The following DOCK5 variants were observed in gnomAD, a reference collection of about 807,000 sequenced individuals.
DOCK5 encodes dedicator of cytokinesis protein 5.
A neutral mutation model predicts 251.8 loss-of-function variants in DOCK5; 142 were observed. The ratio of observed to expected loss-of-function variants is 0.56; its 90% confidence interval spans 0.49 to 0.65. The LOEUF is 0.65. Ranked by LOEUF, DOCK5 falls within the 30% of genes least tolerant of loss-of-function variation. The pLI, the probability that DOCK5 is intolerant of heterozygous loss-of-function variation, is 0.00. For missense variants in DOCK5, 2,111 were observed against 2,312.3 expected, an observed-to-expected ratio of 0.91 and a Z score of 1.79; for synonymous variants, 842 against 835.5, an observed-to-expected ratio of 1.01 and a Z score of -0.13.
chr8:25,370,090 T>C (rs1370176515), intron 34 of DOCK5, among the ~76,000 whole-genome samples: 1 of 152,220 alleles, frequency 6.6e-6, no homozygotes, highest in East Asian at 1.9e-4. Context: ...GTTGGTCTTT[T>C]TCCTGCCCTG....
intron 1 of DOCK5, among the ~76,000 whole-genome samples, chr8:25,185,173 G>A (rs1256358194): frequency 6.6e-6 from 1 of 152,150 alleles, no homozygotes; most frequent in Non-Finnish European, 1.5e-5. Flanking sequence ...GTGCAGCTGA[G>A]CTTCGGGACC....
intron 1 of DOCK5, among the ~76,000 whole-genome samples, chr8:25,225,077 AC>A: frequency 6.6e-6 from 1 of 152,352 alleles, no homozygotes; most frequent in Admixed American, 6.5e-5. Context: ...GTTATCAAAA[AC>A]AAAAAACAAA....
chr8:25,332,626 A>C lies in DOCK5; in HGVS notation c.2025A>C (p.Ala675=). ...AGTTTTTGCAAGATACACTAGATGC[A>C]CTCTTTAACATAATGATGGAAATGT... ...IVKFLQDTLD[A]LFNIMMEMSD... Residue 675 remains alanine, a synonymous_variant, in exon 20 of 52, where the codon GCA becomes GCC. Coordinates refer to ENST00000276440, the MANE Select transcript of DOCK5 (RefSeq NM_024940.8). 1 of 1,611,906 alleles carries C rather than the reference A, an allele frequency of 6.2e-7. No individual in the cohort carries two copies. Among genetic ancestry groups the C allele is most frequent in the Non-Finnish European group, 8.5e-7 (1 of 1,179,184 alleles).
At chr8:25,371,348 G>A (rs1800869383) in intron 34 of DOCK5, among the ~76,000 whole-genome samples, 1 of 152,176 alleles carries the variant, frequency 6.6e-6, no homozygotes, top group Non-Finnish European at 1.5e-5. Flanking sequence ...GATGCCTGTA[G>A]TCCCAGCTAC....
chr8:25,400,791 A>G lies in DOCK5; in HGVS notation c.4789-138A>G, dbSNP rs1392503513. 3 of 885,854 alleles carry G rather than the reference A, an allele frequency of 3.4e-6. No homozygotes were observed. In the African/African-American group the frequency reaches 5.0e-5, roughly 15 times the overall value. The allele number at this position is 885,854 out of a possible 1,614,324, so 54.9% of individuals were successfully genotyped here. ...AGTCCATCCAGTCCACAAGTCCTACACTGAGAAGTGGCCTTCCCATTGGCC... is the reference window on the plus strand; with the variant it reads ...AGTCCATCCAGTCCACAAGTCCTACGCTGAGAAGTGGCCTTCCCATTGGCC... On this transcript the variant is annotated intron_variant, in intron 46 of 51. Transcript: ENST00000276440.
chr8:25,187,655 G>A (rs1308139147), intron 1 of DOCK5, among the ~76,000 whole-genome samples: 1 of 151,932 alleles, frequency 6.6e-6, no homozygotes, highest in Non-Finnish European at 1.5e-5. Context: ...TAAAGTCTGA[G>A]CCTCCGTTCC....
chr8:25,320,607 C>T (rs1161917567), intron 15 of DOCK5, among the ~76,000 whole-genome samples: 1 of 152,134 alleles, frequency 6.6e-6, no homozygotes, highest in Non-Finnish European at 1.5e-5. Context: ...TTACCTTTCC[C>T]CCTCTTTATG....
chr8:25,235,027 G>A (rs1253733342), intron 1 of DOCK5, among the ~76,000 whole-genome samples: 5 of 152,128 alleles, frequency 3.3e-5, no homozygotes, highest in African/African-American at 4.8e-5. Context: ...GGCGAGAAAG[G>A]GGAAGGAGTG....
chr8:25,222,320 T>C (rs561209544), intron 1 of DOCK5, among the ~76,000 whole-genome samples: 1 of 152,326 alleles, frequency 6.6e-6, no homozygotes, highest in South Asian at 2.1e-4. Context: ...TTATTACTTA[T>C]GAATTGTTTC....
chr8:25,288,500 A>C (rs1161656272), intron 5 of DOCK5, among the ~76,000 whole-genome samples: 2 of 152,240 alleles, frequency 1.3e-5, no homozygotes, highest in Non-Finnish European at 2.9e-5. Flanking sequence ...TGCCACGGAT[A>C]GTGTCTAATG....
intron 1 of DOCK5, among the ~76,000 whole-genome samples, chr8:25,187,656 C>G (rs1801468536): frequency 6.6e-6 from 1 of 151,992 alleles, no homozygotes; most frequent in African/African-American, 2.4e-5. Flanking sequence ...AAAGTCTGAG[C>G]CTCCGTTCCA....
chr8:25,291,947 A>G, intron 5 of DOCK5, 77 bp from the exon 6 acceptor site: 1 of 1,378,614 alleles, frequency 7.3e-7, no homozygotes, highest in East Asian at 2.6e-5. Context: ...AAAACAAACA[A>G]ATAAAAAAAG....
intron 2 of DOCK5, among the ~76,000 whole-genome samples, chr8:25,244,474 A>C (rs1274022587): frequency 9.2e-5 from 14 of 152,236 alleles, no homozygotes. Flanking sequence ...TAGCCAGGCC[A>C]CTGAAGTTGA....
intron 26 of DOCK5, among the ~76,000 whole-genome samples, chr8:25,346,006 C>A (rs545251547): frequency 2.0e-5 from 3 of 152,164 alleles, no homozygotes. Flanking sequence ...CCCGCCACCA[C>A]GCCCGGCTAA....
intron 30 of DOCK5, among the ~76,000 whole-genome samples, chr8:25,365,955 C>G (rs1169385775): frequency 1.3e-5 from 2 of 152,112 alleles, no homozygotes; most frequent in African/African-American, 4.8e-5. Flanking sequence ...GTATATTTGC[C>G]AAAATGGAAT....
At chr8:25,234,719 G>A (rs921317197) in intron 1 of DOCK5, among the ~76,000 whole-genome samples, 1 of 152,176 alleles carries the variant, frequency 6.6e-6, no homozygotes, top group African/African-American at 2.4e-5. Context: ...CTTGGAAGGG[G>A]CAGCAAGAAA....
At chr8:25,403,010 ACTGT>A (rs778818496) in intron 47 of DOCK5, among the ~76,000 whole-genome samples, 2 of 152,146 alleles carry the variant, frequency 1.3e-5, no homozygotes, top group Non-Finnish European at 2.9e-5. Flanking sequence ...GACAGCAAAG[ACTGT>A]CTTCGATTTA....
chr8:25,210,045 T>TATATATAAAA (rs1563309191), intron 1 of DOCK5, among the ~76,000 whole-genome samples: 1 of 20,650 alleles, frequency 4.8e-5, no homozygotes, highest in African/African-American at 2.3e-4. Context: ...AATGTGTGTG[T>TATATATAAAA]GTGTGTGTGT....
intron 11 of DOCK5, among the ~76,000 whole-genome samples, chr8:25,306,217 GCTACCACCTATATATTGACCTTC>G (rs1404807393): frequency 1.3e-5 from 2 of 152,104 alleles, no homozygotes; most frequent in Non-Finnish European, 2.9e-5. Context: ...TACCTTGTAT[GCTACCACCTATATATTGACCTTC>G]CAAGACGAGA....
Sources: gnomAD v4.1 joint callset for allele counts (sites outside exome capture counted in the v4.1 genomes callset) on GRCh38, gnomAD v4.1.1 for gene constraint, MANE v1.5 for transcripts, NCBI Gene and HGNC (gene_info 2026-07-23, HGNC 2026-07-21) for gene names.